DHDH: variants seen among roughly 807,000 people sequenced by gnomAD.
DHDH encodes trans-1,2-dihydrobenzene-1,2-diol dehydrogenase.
Under a neutral mutation model 33.2 loss-of-function variants are expected in DHDH, and 29 were observed. That is an observed-to-expected ratio of 0.87 (90% CI 0.65 to 1.19). DHDH has a LOEUF of 1.19. DHDH is among the 50% of genes most tolerant of loss of function. The pLI is 0.00. For missense variants in DHDH, 431 were observed against 455.0 expected, an observed-to-expected ratio of 0.95 and a Z score of 0.48; for synonymous variants, 201 against 187.9, an observed-to-expected ratio of 1.07 and a Z score of -0.57.
chr19:48,939,311 G>A, intron 3 of DHDH, 138 bp from the exon 4 acceptor site: 1 of 987,502 alleles, frequency 1.0e-6, no homozygotes, highest in Non-Finnish European at 1.5e-6. Flanking sequence ...AAGTCAAGAG[G>A]GTCAGGAGCA....
intron 1 of DHDH, 52 bp from the exon 2 acceptor site, chr19:48,934,948 C>A: frequency 7.0e-7 from 1 of 1,424,076 alleles, no homozygotes. Flanking sequence ...CCCTTCCACC[C>A]AGTTTCCACG....
intron 4 of DHDH, 27 bp from the exon 5 acceptor site, chr19:48,942,413 C>G: frequency 2.5e-6 from 4 of 1,579,222 alleles, no homozygotes; most frequent in Non-Finnish European, 3.5e-6. Flanking sequence ...CTGAGAGACC[C>G]TGCCCTGACC....
intron 4 of DHDH, among the ~76,000 whole-genome samples, chr19:48,941,809 A>T (rs1476765851): frequency 6.6e-6 from 1 of 151,282 alleles, no homozygotes; most frequent in African/African-American, 2.4e-5. Context: ...AGTAGCTAGG[A>T]TCACAGGCAC....
In DHDH at chr19:48,935,709, C is replaced by A. The variant is rs547446702; in HGVS notation, c.203-323C>A. The stretch of plus-strand genomic sequence containing the variant: ...GCGGGCGCCTGTAGTCCCAGCTACT[C>A]GGGAGGCTGAGGCAGGAGAATGGCG... On this transcript the variant is annotated intron_variant, in intron 2 of 6. Coordinates refer to ENST00000221403, the MANE Select transcript of DHDH (RefSeq NM_014475.4). Among the ~76,000 whole-genome samples, 502 of 117,966 alleles carry A rather than the reference C, an allele frequency of 4.3e-3. 1 individual carries two copies. The highest frequency in any genetic ancestry group is 4.5e-3 in the Non-Finnish European group (252 of 56,128). The allele number at this position is 117,966 out of a possible 152,430, so 77.4% of individuals were successfully genotyped here.
chr19:48,942,403 C>A, intron 4 of DHDH, 37 bp from the exon 5 acceptor site: 1 of 1,551,310 alleles, frequency 6.4e-7, no homozygotes, highest in South Asian at 1.2e-5. Context: ...AGACTCTGCC[C>A]TGAGAGACCC....
intron 5 of DHDH, among the ~76,000 whole-genome samples, chr19:48,943,240 A>G (rs2037891401): frequency 6.6e-6 from 1 of 152,028 alleles, no homozygotes; most frequent in South Asian, 2.1e-4. Context: ...ATCCTGTCTC[A>G]AATATCTATC....
rs374757759 is a variant in DHDH at position 48,937,748 on chromosome 19, G to C, written c.366+1553G>C. The stretch of plus-strand genomic sequence containing the variant: ...AATGGCGTGAACCCGGGAGGCGGAG[G>C]TTGCAGTGAGCTAAGATCCCGACAC... On this transcript the variant is annotated intron_variant, in intron 3 of 6. Transcript: ENST00000221403. Among the ~76,000 whole-genome samples the C allele has an allele frequency of 1.5e-4, 23 of 151,238 alleles. No homozygotes were observed. In the East Asian group the frequency reaches 3.2e-3, roughly 21 times the overall value.
At chr19:48,935,566 C>T (rs2037760200) in intron 2 of DHDH, among the ~76,000 whole-genome samples, 1 of 151,110 alleles carries the variant, frequency 6.6e-6, no homozygotes, top group Admixed American at 6.6e-5. Context: ...GCCTGTAATC[C>T]TAGCACTTTG....
At chr19:48,939,369 T>G in intron 3 of DHDH, 80 bp from the exon 4 acceptor site, 2 of 1,495,868 alleles carry the variant, frequency 1.3e-6, no homozygotes, top group South Asian at 2.6e-5. Flanking sequence ...GAGACTGGGT[T>G]GCAGTGGGTA....
intron 4 of DHDH, among the ~76,000 whole-genome samples, chr19:48,941,672 C>T (rs895817179): frequency 1.4e-5 from 2 of 147,206 alleles, no homozygotes; most frequent in South Asian, 2.2e-4. Context: ...CATGAACCAC[C>T]GGCTTTTTTT....
intron 3 of DHDH, among the ~76,000 whole-genome samples, chr19:48,937,279 C>A (rs950240273): frequency 3.3e-5 from 5 of 152,210 alleles, no homozygotes; most frequent in Non-Finnish European, 7.3e-5. Context: ...CCTGTGTTCA[C>A]GCTCCTCTCG....
chr19:48,942,596 C>T (rs201940958), intron 5 of DHDH, 32 bp downstream of exon 5: 50 of 1,597,916 alleles, frequency 3.1e-5, no homozygotes, highest in African/African-American at 5.4e-5. Flanking sequence ...CGCTGGGGAT[C>T]GTGCCCCTAA....
intron 3 of DHDH, among the ~76,000 whole-genome samples, chr19:48,936,718 A>AC (rs913480453): frequency 8.6e-5 from 13 of 151,318 alleles, no homozygotes; most frequent in South Asian, 6.3e-4. Flanking sequence ...AAACAAACAA[A>AC]AAAAAAAACA....
intron 3 of DHDH, among the ~76,000 whole-genome samples, chr19:48,938,900 G>A (rs1351039416): frequency 1.3e-5 from 2 of 152,156 alleles, no homozygotes; most frequent in African/African-American, 4.8e-5. Flanking sequence ...TCCTGACCTC[G>A]TGATCTGCCC....
rs2037829602 is a variant in DHDH, at chr19:48,939,603, T to A, written c.521T>A (p.Leu174Gln). 1.2e-6 allele frequency: 2 copies of A among 1,613,946 alleles called. No homozygotes were observed. Among genetic ancestry groups the A allele is most frequent in the Non-Finnish European group, 1.7e-6 (2 of 1,180,006 alleles). The change falls in exon 4 of 7, where the codon CTG becomes CAG. Residue 174 changes from leucine (L) to glutamine (Q), a missense_variant. Transcript: ENST00000221403. Reference protein sequence around the residue: ...AVDRAQAGGALLDIGIYCVQF... With the variant: ...AVDRAQAGGAQLDIGIYCVQF... The stretch of plus-strand genomic sequence containing the variant: ...GACCGGGCCCAGGCTGGGGGGGCCC[T>A]GCTGGACATCGGCATCTACTGTGTC...
intron 4 of DHDH, among the ~76,000 whole-genome samples, chr19:48,940,966 CCA>C (rs979223124): frequency 2.0e-5 from 3 of 150,102 alleles, no homozygotes; most frequent in Admixed American, 1.3e-4. Context: ...ACAGGTGTGG[CCA>C]CCGCCCCCGG....
chr19:48,943,721 G>A (rs192623585), intron 5 of DHDH, among the ~76,000 whole-genome samples: 114 of 152,154 alleles, frequency 7.5e-4, no homozygotes, highest in African/African-American at 2.6e-3. Flanking sequence ...AGCTACTCAG[G>A]AGGCTGAGGC....
intron 3 of DHDH, 109 bp from the exon 4 acceptor site, chr19:48,939,340 G>T: frequency 7.7e-7 from 1 of 1,303,398 alleles, no homozygotes; most frequent in Non-Finnish European, 1.1e-6. Flanking sequence ...ACAACCTGGG[G>T]ACTGATGGGC....
At chr19:48,942,025 TGTGA>T (rs1377907724) in intron 4 of DHDH, among the ~76,000 whole-genome samples, 15 of 136,996 alleles carry the variant, frequency 1.1e-4, no homozygotes, top group Admixed American at 1.1e-3. Flanking sequence ...TGTGTGTGTG[TGTGA>T]TGGAGTCTCG....
Sources: gnomAD v4.1 joint callset for allele counts (sites outside exome capture counted in the v4.1 genomes callset) on GRCh38, gnomAD v4.1.1 for gene constraint, MANE v1.5 for transcripts, NCBI Gene and HGNC (gene_info 2026-07-23, HGNC 2026-07-21) for gene names.